Variants in PMPCB observed in about 807,000 individuals in gnomAD.
PMPCB encodes mitochondrial-processing peptidase subunit beta.
PMPCB carries 46 observed loss-of-function variants against 61.5 expected under a neutral mutation model. That is an observed-to-expected ratio of 0.75 (90% confidence interval 0.59 to 0.96). The LOEUF (loss-of-function observed/expected upper bound fraction) is 0.96, where lower values mean the gene tolerates loss of function less well. PMPCB is among the 40% of genes least tolerant of loss of function. PMPCB has a pLI of 0.00. For missense variants in PMPCB, 590 were observed against 602.4 expected, an observed-to-expected ratio of 0.98 and a Z score of 0.22; for synonymous variants, 191 against 201.6, an observed-to-expected ratio of 0.95 and a Z score of 0.44.
intron 12 of PMPCB, chr7:103,324,510 C>G (rs755578512): frequency 3.3e-6 from 5 of 1,497,018 alleles, no homozygotes; most frequent in Non-Finnish European, 2.7e-6. Flanking sequence ...TCTACATCTT[C>G]AAATGATGAA....
downstream of PMPCB, among the ~76,000 whole-genome samples, chr7:103,330,783 T>C (rs1348713190): frequency 2.6e-5 from 4 of 151,138 alleles, no homozygotes; most frequent in African/African-American, 7.3e-5. Flanking sequence ...GGTTTCGTCA[T>C]GTTGGCCAGG....
intron 12 of PMPCB, among the ~76,000 whole-genome samples, chr7:103,324,086 C>G (rs1375803609): frequency 6.6e-6 from 1 of 152,076 alleles, no homozygotes. Flanking sequence ...TTTGTATTTA[C>G]TAGACATTTG....
chr7:103,308,403 C>T (rs1817645956), intron 7 of PMPCB, among the ~76,000 whole-genome samples: 1 of 152,152 alleles, frequency 6.6e-6, no homozygotes, highest in Non-Finnish European at 1.5e-5. Context: ...GAGTGTGTCA[C>T]TTGAGGTTAG....
the PMPCB span, chr7:103,344,616 G>A: frequency 1.9e-6 from 3 of 1,611,278 alleles, no homozygotes; most frequent in Non-Finnish European, 2.5e-6. Context: ...CTTGGCAGAA[G>A]CAGCATGATG....
chr7:103,327,191 T>C, intron 12 of PMPCB: 1 of 356,912 alleles, frequency 2.8e-6, no homozygotes, highest in Non-Finnish European at 5.2e-6. Context: ...TAAGTAACTG[T>C]AGGGTCTGTA....
At chr7:103,322,727 TTTC>T (rs1164003281) in intron 12 of PMPCB, 2 of 1,611,984 alleles carry the variant, frequency 1.2e-6, no homozygotes. Flanking sequence ...ATTCTGTTCA[TTTC>T]TTCTTTTTTT....
chr7:103,317,618 T>G (rs1363646970), downstream of PMPCB, among the ~76,000 whole-genome samples: 1 of 152,146 alleles, frequency 6.6e-6, no homozygotes, highest in African/African-American at 2.4e-5. Flanking sequence ...TTTTTTTGAT[T>G]CCCATCATCA....
downstream of PMPCB, among the ~76,000 whole-genome samples, chr7:103,318,986 C>T (rs537506577): frequency 1.1e-4 from 16 of 152,040 alleles, no homozygotes; most frequent in South Asian, 4.1e-4. Flanking sequence ...CCAATGCGGA[C>T]GGATCACTTG....
downstream of PMPCB, chr7:103,315,880 T>A: frequency 6.3e-7 from 1 of 1,594,754 alleles, no homozygotes; most frequent in African/African-American, 1.3e-5. Flanking sequence ...GTCTGAGAAA[T>A]GAAAAAAATT....
At chr7:103,306,982 C>A (rs1184357082) in intron 6 of PMPCB, among the ~76,000 whole-genome samples, 1 of 152,034 alleles carries the variant, frequency 6.6e-6, no homozygotes, top group Non-Finnish European at 1.5e-5. Flanking sequence ...TGGTCTTGAA[C>A]TCCTGATCTC....
chr7:103,309,834 AG>A (rs1223050972), intron 8 of PMPCB, among the ~76,000 whole-genome samples: 1 of 152,238 alleles, frequency 6.6e-6, no homozygotes, highest in Non-Finnish European at 1.5e-5. Context: ...GTAAAATAAC[AG>A]GGAATCTAGA....
At chr7:103,334,853 T>C in the PMPCB span, among the ~76,000 whole-genome samples, 1 of 152,208 alleles carries the variant, frequency 6.6e-6, no homozygotes, top group Non-Finnish European at 1.5e-5. Context: ...GGGCATTTTT[T>C]GAGGCAGTTT....
At chr7:103,322,642 GA>G in intron 12 of PMPCB, 1 of 1,612,894 alleles carries the variant, frequency 6.2e-7, no homozygotes, top group East Asian at 2.2e-5. Flanking sequence ...TCTAGCAAAA[GA>G]AAAAGTTAAT....
At chr7:103,297,804 T>G in intron 1 of PMPCB, 1 of 1,526,830 alleles carries the variant, frequency 6.5e-7, no homozygotes, top group South Asian at 1.2e-5. Context: ...CGCCAGCTAC[T>G]GAGGAGTGCA....
rs1817930108 is a variant in PMPCB, at chr7:103,314,423, A to C, written c.*2152A>C. Reference sequence around the variant, plus strand: ...GGCAAAGGAGTCATACCCACATAGCACTACTGCCAGTCACTCTTGCCTTCA... The same window carrying C: ...GGCAAAGGAGTCATACCCACATAGCCCTACTGCCAGTCACTCTTGCCTTCA... On this transcript the variant is annotated 3_prime_UTR_variant, in exon 13 of 13. Transcript: ENST00000249269. The C allele has an allele frequency of 1.0e-6, 1 of 985,272 alleles. No homozygotes were observed. 61.0% of individuals were successfully genotyped at this position (985,272 alleles called of 1,614,324 possible).
intron 12 of PMPCB, chr7:103,322,697 A>C: frequency 6.2e-7 from 1 of 1,612,614 alleles, no homozygotes; most frequent in Non-Finnish European, 8.5e-7. Flanking sequence ...AATCAATTCT[A>C]CTTACCAACT....
rs200940563 is a variant in PMPCB at position 103,300,165 on chromosome 7, C to T, written c.328-13C>T. 34 of 1,604,882 alleles carry T rather than the reference C, an allele frequency of 2.1e-5. No homozygotes were observed. In the East Asian group the frequency reaches 3.8e-4, roughly 18 times the overall value. On this transcript the variant is annotated splice_polypyrimidine_tract_variant and intron_variant, in intron 3 of 12. Transcript: ENST00000249269. ...GGAGTTTGCATAATTTGTTTTTCCT[C>T]TTTTATTTCAAGGGCACCAAGAAGA...
chr7:103,321,511 C>T (rs1488929709), intron 12 of PMPCB, among the ~76,000 whole-genome samples: 1 of 151,708 alleles, frequency 6.6e-6, no homozygotes, highest in African/African-American at 2.4e-5. Flanking sequence ...GTGCGAGACT[C>T]CATCTCAAAT....
chr7:103,298,793 C>T (rs1475355147), intron 2 of PMPCB, 85 bp downstream of exon 2: 3 of 1,326,074 alleles, frequency 2.3e-6, no homozygotes, highest in East Asian at 2.4e-5. Flanking sequence ...TTTTCGTTGG[C>T]TGGTGGTTCA....
Sources: allele counts gnomAD v4.1 joint callset (sites outside exome capture counted in the v4.1 genomes callset), GRCh38; gene constraint gnomAD v4.1.1; transcripts MANE v1.5; gene names NCBI Gene and HGNC (gene_info 2026-07-23, HGNC 2026-07-21).